The following KATNBL1 variants were observed in gnomAD, a reference collection of about 807,000 sequenced individuals.
The protein encoded by KATNBL1 is KATNB1-like protein 1.
Under a neutral mutation model 44.7 loss-of-function variants are expected in KATNBL1, and 28 were observed. That is an observed-to-expected ratio of 0.63 (90% CI 0.46 to 0.86). The LOEUF (loss-of-function observed/expected upper bound fraction) is 0.86. KATNBL1 is among the 40% of genes least tolerant of loss of function. KATNBL1 has a pLI of 0.00. For synonymous variants in KATNBL1, 78 were observed against 114.9 expected, an observed-to-expected ratio of 0.68 and a Z score of 2.06; for missense variants, 272 against 350.7, an observed-to-expected ratio of 0.78 and a Z score of 1.79.
At chr15:34,189,985 C>T (rs1204277327) in intron 1 of KATNBL1, among the ~76,000 whole-genome samples, 2 of 151,400 alleles carry the variant, frequency 1.3e-5, no homozygotes, top group Admixed American at 6.6e-5. Context: ...TGCTCTGTCT[C>T]CCAGGCTGGA....
intron 2 of KATNBL1, chr15:34,154,905 G>A: frequency 1.8e-6 from 1 of 541,942 alleles, no homozygotes; most frequent in Non-Finnish European, 3.3e-6. Flanking sequence ...TCCCCTATTG[G>A]CTAGGGTTGG....
At chr15:34,165,630 C>T (rs1312170180) in intron 1 of KATNBL1, among the ~76,000 whole-genome samples, 1 of 151,940 alleles carries the variant, frequency 6.6e-6, no homozygotes, top group Admixed American at 6.6e-5. Context: ...AACCCTGTCT[C>T]TACAAAAATA....
chr15:34,184,466 A>C (rs1889659308), intron 1 of KATNBL1, among the ~76,000 whole-genome samples: 1 of 150,686 alleles, frequency 6.6e-6, no homozygotes, highest in African/African-American at 2.4e-5. Flanking sequence ...AGCCTGGGCA[A>C]CAGAGTGAGA....
rs143221011 is a variant in KATNBL1, at chr15:34,165,254, T to C, written c.-14-1564A>G. On this transcript the variant is annotated intron_variant, in intron 1 of 9. Transcript: ENST00000256544. ...GCTGGAGCTTACATTGGGGGCGACT[T>C]AAATGAGGCTAGAGATAGAAGTTAG... Among the ~76,000 whole-genome samples the C allele has an allele frequency of 2.6e-5, 4 of 152,280 alleles. No individual in the cohort carries two copies. The East Asian group carries it at 7.7e-4, about 29-fold the overall frequency.
At chr15:34,168,052 A>G (rs1328141532) in intron 1 of KATNBL1, among the ~76,000 whole-genome samples, 2 of 152,230 alleles carry the variant, frequency 1.3e-5, no homozygotes, top group Non-Finnish European at 2.9e-5. Context: ...ATAACTAGCT[A>G]GCATCATAAT....
chr15:34,204,801 A>T (rs1413961607), intron 1 of KATNBL1, among the ~76,000 whole-genome samples: 2 of 151,952 alleles, frequency 1.3e-5, no homozygotes, highest in Admixed American at 1.3e-4. Context: ...AGGCCACTGT[A>T]AGGGAAAAGA....
intron 1 of KATNBL1, among the ~76,000 whole-genome samples, chr15:34,175,452 C>G (rs1786413688): frequency 6.6e-6 from 1 of 152,150 alleles, no homozygotes; most frequent in Non-Finnish European, 1.5e-5. Context: ...TCTATAAAAT[C>G]ATTTTTTTCT....
intron 1 of KATNBL1, among the ~76,000 whole-genome samples, chr15:34,191,360 T>C (rs1889868026): frequency 1.3e-5 from 2 of 151,924 alleles, no homozygotes; most frequent in African/African-American, 4.8e-5. Flanking sequence ...TTTGGGTTGT[T>C]TCCATTTTTC....
chr15:34,156,629 G>T (rs1360418170), intron 2 of KATNBL1, among the ~76,000 whole-genome samples: 1 of 152,182 alleles, frequency 6.6e-6, no homozygotes, highest in African/African-American at 2.4e-5. Context: ...GGGAGGTTCT[G>T]GAAGAAGGCT....
At chr15:34,189,139 T>G (rs1407971024) in intron 1 of KATNBL1, among the ~76,000 whole-genome samples, 1 of 152,144 alleles carries the variant, frequency 6.6e-6, no homozygotes, top group Non-Finnish European at 1.5e-5. Context: ...CAAGTGATTT[T>G]CCTGCCTCTG....
At chr15:34,207,749 T>C (rs1481399080) in intron 1 of KATNBL1, among the ~76,000 whole-genome samples, 1 of 152,200 alleles carries the variant, frequency 6.6e-6, no homozygotes, top group Non-Finnish European at 1.5e-5. Flanking sequence ...TACAGACACA[T>C]GCCACCATGC....
chr15:34,150,392 G>A (rs935123529), intron 4 of KATNBL1, among the ~76,000 whole-genome samples: 1 of 152,122 alleles, frequency 6.6e-6, no homozygotes, highest in African/African-American at 2.4e-5. Flanking sequence ...TCAGTAGTTC[G>A]AGACCAACCT....
intron 1 of KATNBL1, among the ~76,000 whole-genome samples, chr15:34,196,810 C>CAA (rs1890041645): frequency 6.6e-6 from 1 of 152,214 alleles, no homozygotes; most frequent in Admixed American, 6.5e-5. Flanking sequence ...TAAAGTGGCT[C>CAA]AAGAACTTGA....
At chr15:34,204,146 G>A (rs868814542) in intron 1 of KATNBL1, among the ~76,000 whole-genome samples, 6 of 152,140 alleles carry the variant, frequency 3.9e-5, no homozygotes, top group Middle Eastern at 3.4e-3. Flanking sequence ...TGCTAAGCAA[G>A]GAAAACTAGG....
At chr15:34,182,408 T>C (rs1460377409) in intron 1 of KATNBL1, among the ~76,000 whole-genome samples, 3 of 152,180 alleles carry the variant, frequency 2.0e-5, no homozygotes, top group African/African-American at 7.2e-5. Flanking sequence ...GAAGGCAAAT[T>C]TGACAGCATT....
chr15:34,163,936 A>C (rs543103391), intron 1 of KATNBL1, among the ~76,000 whole-genome samples: 50 of 150,280 alleles, frequency 3.3e-4, no homozygotes, highest in African/African-American at 1.2e-3. Flanking sequence ...TCTGTTGCCC[A>C]GGCTGGAGTG....
At chr15:34,165,244 G>A (rs1231863062) in intron 1 of KATNBL1, among the ~76,000 whole-genome samples, 1 of 152,166 alleles carries the variant, frequency 6.6e-6, no homozygotes, top group Non-Finnish European at 1.5e-5. Flanking sequence ...AGCTTACATT[G>A]GGGGCGACTT....
intron 1 of KATNBL1, among the ~76,000 whole-genome samples, chr15:34,204,395 G>T (rs1478124288): frequency 6.6e-6 from 1 of 152,066 alleles, no homozygotes; most frequent in Non-Finnish European, 1.5e-5. Context: ...TATTACAGTT[G>T]TCCCTCAGTA....
intron 2 of KATNBL1, among the ~76,000 whole-genome samples, chr15:34,156,043 G>C (rs922782180): frequency 6.6e-6 from 1 of 152,142 alleles, no homozygotes; most frequent in Non-Finnish European, 1.5e-5. Flanking sequence ...GCACTAGGGC[G>C]CAAGTGACAC....
Sources: allele counts gnomAD v4.1 joint callset (sites outside exome capture counted in the v4.1 genomes callset), GRCh38; gene constraint gnomAD v4.1.1; transcripts MANE v1.5; gene names NCBI Gene and HGNC (gene_info 2026-07-23, HGNC 2026-07-21).